MED13: variants seen among roughly 807,000 people sequenced by gnomAD.
MED13 encodes the protein mediator of RNA polymerase II transcription subunit 13.
In MED13, 23 loss-of-function variants were observed where a neutral mutation model predicts 225.2. The ratio of observed to expected loss-of-function variants is 0.10; its 90% confidence interval spans 0.07 to 0.14. MED13 has a LOEUF of 0.14. Among genes scored for constraint, MED13 ranks in the 10% least tolerant of loss-of-function variants. The pLI is 1.00. For missense variants in MED13, 2,197 were observed against 2,594.5 expected (o/e 0.85, Z 3.33); for synonymous variants, 942 against 889.2 (o/e 1.06, Z -1.06).
At chr17:62,065,088 G>A (rs535183524) in intron 1 of MED13, 52 bp downstream of exon 1, 10 of 1,478,458 alleles carry the variant, frequency 6.8e-6, no homozygotes, top group Admixed American at 2.2e-5. Flanking sequence ...CACGGCCCAA[G>A]GGCGCACCTC....
chr17:61,984,877 A>T lies in MED13; in HGVS notation c.2477-12T>A, dbSNP rs757600995. On this transcript the variant is annotated splice_polypyrimidine_tract_variant and intron_variant, in intron 13 of 29. Coordinates refer to ENST00000397786, the MANE Select transcript of MED13 (RefSeq NM_005121.3). ...AAGATCTGCAGTGCCTATATTTAAT[A>T]AAAACATACATTTTAACATGACTAA... 1 of 1,598,860 alleles carries T rather than the reference A, an allele frequency of 6.3e-7. No homozygotes were observed. The highest frequency in any genetic ancestry group is 8.5e-7 in the Non-Finnish European group (1 of 1,170,578).
At chr17:61,949,125 T>C (rs968584864) in intron 28 of MED13, among the ~76,000 whole-genome samples, 3 of 152,108 alleles carry the variant, frequency 2.0e-5, no homozygotes, top group Non-Finnish European at 4.4e-5. Flanking sequence ...CATCTAAATT[T>C]GTTATTCTGG....
chr17:62,038,809 G>A (rs1047395737), intron 3 of MED13, among the ~76,000 whole-genome samples: 18 of 151,596 alleles, frequency 1.2e-4, no homozygotes, highest in Admixed American at 5.9e-4. Context: ...GACTACAGGT[G>A]TGCGCTACCA....
chr17:62,020,147 AT>A (rs1156392213), intron 8 of MED13, among the ~76,000 whole-genome samples: 1 of 151,928 alleles, frequency 6.6e-6, no homozygotes, highest in African/African-American at 2.4e-5. Flanking sequence ...CTTTTAGATT[AT>A]TTTTTCCTAT....
chr17:61,950,745 T>TAA, intron 28 of MED13, 80 bp downstream of exon 28: 1 of 1,426,942 alleles, frequency 7.0e-7, no homozygotes. Context: ...CTATAAGACT[T>TAA]AAAAAAGCCA....
intron 8 of MED13, among the ~76,000 whole-genome samples, chr17:62,012,327 CTTTTTT>C (rs60421231): frequency 7.7e-6 from 1 of 129,634 alleles, no homozygotes; most frequent in African/African-American, 3.0e-5. Context: ...CACTAAGAAA[CTTTTTT>C]TTTTTTTTTT....
chr17:61,955,227 T>G, intron 26 of MED13, 155 bp downstream of exon 26: 1 of 563,090 alleles, frequency 1.8e-6, no homozygotes, highest in Non-Finnish European at 2.9e-6. Context: ...CCTGCGTAAT[T>G]GAGGATAATC....
At chr17:61,993,218 T>TTTG (rs2080317289) in intron 10 of MED13, among the ~76,000 whole-genome samples, 1 of 146,720 alleles carries the variant, frequency 6.8e-6, no homozygotes, top group African/African-American at 2.6e-5. Flanking sequence ...TTTTTTTTTT[T>TTTG]TGAGACAGAG....
chr17:61,959,415 A>G (rs1012377642), intron 23 of MED13, among the ~76,000 whole-genome samples: 1 of 151,862 alleles, frequency 6.6e-6, no homozygotes, highest in Non-Finnish European at 1.5e-5. Flanking sequence ...TTTTTTCTCT[A>G]CTTTCTCATA....
At chr17:61,949,981 C>T (rs939704314) in intron 28 of MED13, among the ~76,000 whole-genome samples, 1 of 152,148 alleles carries the variant, frequency 6.6e-6, no homozygotes, top group Admixed American at 6.5e-5. Flanking sequence ...CTGCGCCCAG[C>T]CCAAGATTAT....
chr17:61,993,986 A>C lies in MED13; in HGVS notation c.2181+1166T>G, dbSNP rs76511454. Among the ~76,000 whole-genome samples, 861 of 151,810 alleles carry C rather than the reference A, an allele frequency of 5.7e-3. 4 individuals carry two copies. The highest frequency in any genetic ancestry group is 7.4e-3 in the Non-Finnish European group (504 of 67,884). On this transcript the variant is annotated intron_variant, in intron 10 of 29. Coordinates refer to ENST00000397786, the MANE Select transcript of MED13 (RefSeq NM_005121.3). ...TCACACGTATTATTGGATCCTTTTC[A>C]TAACTTTACAGATTTCAATTTTTTT... is the stretch of plus-strand genomic sequence containing the variant.
At chr17:62,021,490 G>A (rs925974466) in intron 8 of MED13, among the ~76,000 whole-genome samples, 6 of 149,678 alleles carry the variant, frequency 4.0e-5, no homozygotes, top group African/African-American at 7.4e-5. Context: ...CAGTAGGGGC[G>A]GCCGGGCAGA....
chr17:62,060,824 T>C (rs867881395), intron 2 of MED13, among the ~76,000 whole-genome samples: 85 of 151,928 alleles, frequency 5.6e-4, no homozygotes, highest in African/African-American at 2.0e-3. Context: ...CTCAGCCTAC[T>C]GAGTAGCTGG....
chr17:61,952,970 C>T lies in MED13; in HGVS notation c.6112G>A (p.Gly2038Ser), dbSNP rs377733005. ...GSHYPHGGDA[G>S]KGQSTDRLLS... ...AAAACTTGTAACACAGTTACCTTGC[C>T]CGCATCACCTCCATGGGGGTAATGA... Residue 2038 changes from glycine to serine, a missense_variant, in exon 27 of 30, where the codon GGC becomes AGC. Physicochemically the swap from Gly to Ser is moderately conservative, Grantham distance 56. This residue lies in a region of MED13 where 216 missense variants were observed against 388.9 expected (regional missense o/e 0.56). Coordinates refer to ENST00000397786, the MANE Select transcript of MED13 (RefSeq NM_005121.3). 45 of 1,612,228 alleles carry T rather than the reference C, an allele frequency of 2.8e-5. No individual in the cohort carries two copies. The Admixed American group carries it at 5.2e-4, about 19-fold the overall frequency.
chr17:62,058,289 A>AG (rs1262862639), intron 2 of MED13, among the ~76,000 whole-genome samples: 1 of 152,104 alleles, frequency 6.6e-6, no homozygotes, highest in Non-Finnish European at 1.5e-5. Flanking sequence ...TGAGGCGGGC[A>AG]GATCACCTGA....
chr17:61,985,165 A>T (rs2080237198), intron 12 of MED13, 75 bp from the exon 13 acceptor site: 1 of 1,224,552 alleles, frequency 8.2e-7, no homozygotes. Context: ...ATTCAGATAT[A>T]ACTTAACAGT....
intron 26 of MED13, among the ~76,000 whole-genome samples, chr17:61,954,211 G>C (rs1012945914): frequency 6.6e-6 from 1 of 152,148 alleles, no homozygotes; most frequent in Non-Finnish European, 1.5e-5. Flanking sequence ...GAAAACAAGA[G>C]AGCATAATAA....
chr17:61,966,624 C>G lies in MED13; in HGVS notation c.4219G>C (p.Val1407Leu). ...ESCRLGQHRP[V>L]SRLLTDGIMR... The stretch of plus-strand genomic sequence containing the variant: ...ATCCCATCTGTTAACAGTCGAGAAA[C>G]AGGTCTATGTTGACCTAATCGACAG... Residue 1407 changes from valine to leucine, a missense_variant, in exon 19 of 30, where the codon GTT (valine) becomes CTT (leucine). Around this residue, in one of 12 missense-constraint regions of MED13, gnomAD observed 457 missense variants for 442.2 expected, o/e 1.03. Transcript: ENST00000397786. 3 of 1,612,876 alleles carry G rather than the reference C, an allele frequency of 1.9e-6. No homozygotes were observed. The South Asian group carries it at 3.3e-5, about 18-fold the overall frequency.
At chr17:61,975,766 AG>A in intron 16 of MED13, among the ~76,000 whole-genome samples, 2 of 152,206 alleles carry the variant, frequency 1.3e-5, no homozygotes. Context: ...CTGTAATCCC[AG>A]CACTTTGGGA....
Sources: gnomAD v4.1 joint callset for allele counts (sites outside exome capture counted in the v4.1 genomes callset) on GRCh38, gnomAD v4.1.1 for gene constraint, gnomAD v4.1.1 regional missense constraint, MANE v1.5 for transcripts, NCBI Gene and HGNC (gene_info 2026-07-23, HGNC 2026-07-21) for gene names.